Variants in LUZP2 observed in about 807,000 individuals in gnomAD.
LUZP2 encodes the protein leucine zipper protein 2.
A neutral mutation model predicts 51.6 loss-of-function variants in LUZP2; 52 were observed. The ratio of observed to expected loss-of-function variants is 1.01; its 90% CI spans 0.81 to 1.27. LUZP2 has a LOEUF of 1.27. LUZP2 is among the 50% of genes most tolerant of loss of function. LUZP2 has a pLI of 0.00. For synonymous variants in LUZP2, 154 were observed against 137.3 expected (o/e 1.12, Z -0.85); for missense variants, 436 against 395.4 (o/e 1.10, Z -0.87).
intron 5 of LUZP2, among the ~76,000 whole-genome samples, chr11:24,777,645 T>G (rs1214228717): frequency 6.6e-6 from 1 of 152,198 alleles, no homozygotes; most frequent in African/African-American, 2.4e-5. Context: ...ATATAAAATT[T>G]ATACAATTTT....
At chr11:24,514,033 G>A (rs1850390424) in intron 1 of LUZP2, among the ~76,000 whole-genome samples, 1 of 152,196 alleles carries the variant, frequency 6.6e-6, no homozygotes, top group Admixed American at 6.5e-5. Context: ...TGATCTGGCT[G>A]GGGATACAAG....
Position 25,080,110 on chromosome 11 carries a change from A to G in LUZP2, c.*1452A>G, listed in dbSNP as rs990441388. ...ATAGTTCAGTGTCATTCATTAGCAC[A>G]GGCAGGTCCCAACCACAATGGTTCA... On this transcript the variant is annotated 3_prime_UTR_variant, in exon 12 of 12. Transcript: ENST00000336930. 1 of 152,230 alleles carries G rather than the reference A, an allele frequency of 6.6e-6. No individual in the cohort carries two copies. The highest frequency in any genetic ancestry group is 2.4e-5 in the African/African-American group (1 of 41,466). The allele number at this position is 152,230 out of a possible 1,614,324, so 9.4% of individuals were successfully genotyped here.
intron 6 of LUZP2, among the ~76,000 whole-genome samples, chr11:24,907,254 T>A (rs1379095332): frequency 7.4e-6 from 1 of 135,846 alleles, no homozygotes; most frequent in Admixed American, 7.9e-5. Flanking sequence ...TTAAAGAAGG[T>A]GAAAACTCTC....
At chr11:24,568,522 C>T (rs1420684577) in intron 1 of LUZP2, among the ~76,000 whole-genome samples, 1 of 151,402 alleles carries the variant, frequency 6.6e-6, no homozygotes, top group African/African-American at 2.4e-5. Context: ...AAAAACAGAG[C>T]CCTAAAATTT....
chr11:24,987,761 C>T lies in LUZP2; in HGVS notation c.765+4468C>T, dbSNP rs538067864. ...CTGGAAGTTTAGATAGATCAAGGTA[C>T]ATTTTTCTTTTCCTCTTTTCTGCCA... On this transcript the variant is annotated intron_variant, in intron 9 of 11. Transcript: ENST00000336930. Among the ~76,000 whole-genome samples the T allele has an allele frequency of 3.3e-5, 5 of 151,994 alleles. No homozygotes were observed. The South Asian group carries it at 8.3e-4, about 25-fold the overall frequency.
chr11:25,014,052 A>G (rs1339356674), intron 9 of LUZP2, among the ~76,000 whole-genome samples: 1 of 152,128 alleles, frequency 6.6e-6, no homozygotes, highest in Non-Finnish European at 1.5e-5. Context: ...TTCCAGCTTC[A>G]TCCATGTCCC....
At chr11:24,915,783 G>T (rs1853771871) in intron 7 of LUZP2, among the ~76,000 whole-genome samples, 1 of 151,682 alleles carries the variant, frequency 6.6e-6, no homozygotes, top group Non-Finnish European at 1.5e-5. Context: ...AGTAACTGAG[G>T]TTCTTGCCAT....
At chr11:24,566,752 A>G (rs1161203880) in intron 1 of LUZP2, among the ~76,000 whole-genome samples, 5 of 146,538 alleles carry the variant, frequency 3.4e-5, no homozygotes, top group Admixed American at 1.4e-4. Flanking sequence ...TAATGTATGT[A>G]TACATATTTA....
intron 2 of LUZP2, 152 bp downstream of exon 2, chr11:24,729,438 A>C: frequency 2.3e-6 from 1 of 432,016 alleles, no homozygotes; most frequent in African/African-American, 2.0e-5. Context: ...CTAAACGGAA[A>C]TGTCATTTGA....
chr11:24,886,789 T>C (rs1852679717), intron 5 of LUZP2, among the ~76,000 whole-genome samples: 1 of 152,170 alleles, frequency 6.6e-6, no homozygotes, highest in African/African-American at 2.4e-5. Flanking sequence ...CCATCCATTT[T>C]CCTAAGATTT....
chr11:24,724,312 C>G (rs2631437), intron 1 of LUZP2, among the ~76,000 whole-genome samples: 76,453 of 151,892 alleles, frequency 0.5, 19,520 homozygotes, highest in Admixed American at 0.53. Context: ...GCTCACACCT[C>G]TAATCCCAGC....
chr11:25,062,613 AGAAAG>A (rs1858876945), intron 10 of LUZP2, among the ~76,000 whole-genome samples: 9 of 147,096 alleles, frequency 6.1e-5, no homozygotes, highest in Non-Finnish European at 1.2e-4. Context: ...AAAAAAAAAA[AGAAAG>A]GAAAGGAAAC....
At chr11:24,944,203 A>G (rs1370561193) in intron 7 of LUZP2, among the ~76,000 whole-genome samples, 1 of 152,126 alleles carries the variant, frequency 6.6e-6, no homozygotes, top group Non-Finnish European at 1.5e-5. Context: ...GAAGGGGTCA[A>G]AGGCATAAAT....
intron 1 of LUZP2, among the ~76,000 whole-genome samples, chr11:24,570,673 A>G (rs963490612): frequency 1.3e-5 from 2 of 152,202 alleles, no homozygotes; most frequent in East Asian, 1.9e-4. Context: ...TACAGATGGA[A>G]GAATATGCAG....
chr11:25,070,164 A>G (rs1390416088), intron 10 of LUZP2, among the ~76,000 whole-genome samples: 1 of 151,984 alleles, frequency 6.6e-6, no homozygotes, highest in Admixed American at 6.6e-5. Flanking sequence ...AGCCAGCAGT[A>G]TACATAGCAA....
intron 1 of LUZP2, among the ~76,000 whole-genome samples, chr11:24,695,938 A>G (rs1160557183): frequency 6.6e-6 from 1 of 152,066 alleles, no homozygotes; most frequent in Non-Finnish European, 1.5e-5. Context: ...AAGGCATTTA[A>G]GATAGAAGGA....
intron 1 of LUZP2, among the ~76,000 whole-genome samples, chr11:24,686,995 T>G (rs1458565524): frequency 6.6e-6 from 1 of 152,196 alleles, no homozygotes; most frequent in African/African-American, 2.4e-5. Context: ...CCAGCAGTGT[T>G]GTGCCACATA....
intron 1 of LUZP2, among the ~76,000 whole-genome samples, chr11:24,602,016 GTA>G (rs1853682553): frequency 7.7e-6 from 1 of 129,538 alleles, no homozygotes; most frequent in Non-Finnish European, 1.7e-5. Flanking sequence ...ATGTATATAT[GTA>G]TATATGTGTA....
chr11:24,989,334 C>G (rs1384826495), intron 9 of LUZP2, among the ~76,000 whole-genome samples: 1 of 151,974 alleles, frequency 6.6e-6, no homozygotes, highest in Non-Finnish European at 1.5e-5. Context: ...GTATTTTGCT[C>G]ATTATGGTGG....
Sources: allele counts gnomAD v4.1 joint callset (sites outside exome capture counted in the v4.1 genomes callset), GRCh38; gene constraint gnomAD v4.1.1; transcripts MANE v1.5; gene names NCBI Gene and HGNC (gene_info 2026-07-23, HGNC 2026-07-21).